Variants in PRKAG2 observed in about 807,000 individuals in gnomAD.
The protein encoded by PRKAG2 is 5'-AMP-activated protein kinase subunit gamma-2.
In PRKAG2, 26 loss-of-function variants were observed where a neutral mutation model predicts 69.6. That is an observed-to-expected ratio of 0.37 (90% CI 0.27 to 0.52). The LOEUF (loss-of-function observed/expected upper bound fraction) is 0.52, where lower values mean the gene tolerates loss of function less well. PRKAG2 is among the 20% of genes least tolerant of loss of function. PRKAG2 has a pLI of 0.90. For missense variants in PRKAG2, 557 were observed against 740.0 expected, an observed-to-expected ratio of 0.75 and a Z score of 2.87; for synonymous variants, 293 against 285.0, an observed-to-expected ratio of 1.03 and a Z score of -0.28.
In PRKAG2 at chr7:151,828,114, A is replaced by G. The variant is rs568204866; in HGVS notation, c.115-41573T>C. On this transcript the variant is annotated intron_variant, in intron 1 of 15. Transcript: ENST00000287878. The surrounding 1 kb of genome is among the most constrained non-coding windows in gnomAD (Gnocchi z 4.6). ...CCCATTCACCCAGCAAGCACACAGC[A>G]AACGCCTGCTACCCAGGGGAGCCCC... Among the ~76,000 whole-genome samples, 145 of 152,328 alleles carry G rather than the reference A, an allele frequency of 9.5e-4. No individual in the cohort carries two copies. In the South Asian group the frequency reaches 0.018, roughly 19 times the overall value.
intron 15 of PRKAG2, chr7:151,559,224 G>C: frequency 1.0e-6 from 1 of 967,162 alleles, no homozygotes; most frequent in Non-Finnish European, 1.2e-6. Context: ...GAATGCAGCT[G>C]TACTGTTCGT....
chr7:151,582,127 A>G (rs1285683558), intron 6 of PRKAG2, among the ~76,000 whole-genome samples: 1 of 152,164 alleles, frequency 6.6e-6, no homozygotes, highest in Non-Finnish European at 1.5e-5. Flanking sequence ...TTCAGACAGT[A>G]TCGGTCCAAC....
chr7:151,659,262 C>T (rs980224260), intron 4 of PRKAG2, among the ~76,000 whole-genome samples: 22 of 152,134 alleles, frequency 1.4e-4, no homozygotes, highest in African/African-American at 1.9e-4. Context: ...TTGTTTTATC[C>T]AGGCCATAGA....
At chr7:151,622,311 C>T (rs1821712549) in intron 5 of PRKAG2, among the ~76,000 whole-genome samples, 1 of 152,206 alleles carries the variant, frequency 6.6e-6, no homozygotes, top group Non-Finnish European at 1.5e-5. Context: ...TAAATGTGTG[C>T]ACCTCTTTGG....
At chr7:151,851,902 C>T (rs1586722055) in intron 1 of PRKAG2, among the ~76,000 whole-genome samples, 1 of 152,084 alleles carries the variant, frequency 6.6e-6, no homozygotes, top group Admixed American at 6.5e-5. Context: ...GAGAGGGAGC[C>T]GGGGCTTCCT....
intron 3 of PRKAG2, among the ~76,000 whole-genome samples, chr7:151,706,130 T>C (rs1235050707): frequency 2.0e-5 from 3 of 152,192 alleles, no homozygotes. Context: ...ACAGCAGATA[T>C]GCAGCACAGA....
chr7:151,725,501 G>A (rs188657840), intron 3 of PRKAG2, among the ~76,000 whole-genome samples: 1 of 151,162 alleles, frequency 6.6e-6, no homozygotes, highest in East Asian at 2.0e-4. Flanking sequence ...CTACTGAGCT[G>A]TACACCTAAA....
At chr7:151,713,616 G>A (rs907855940) in intron 3 of PRKAG2, among the ~76,000 whole-genome samples, 2 of 144,198 alleles carry the variant, frequency 1.4e-5, no homozygotes, top group Non-Finnish European at 1.5e-5. Flanking sequence ...ACAAAGTCTC[G>A]CTCTGTTGCC....
chr7:151,762,607 T>C (rs1433460183), intron 3 of PRKAG2, among the ~76,000 whole-genome samples: 3 of 152,146 alleles, frequency 2.0e-5, no homozygotes, highest in African/African-American at 7.2e-5. Context: ...TCCTCTGTGT[T>C]TGGGGCAGAC....
At chr7:151,619,478 C>G (rs752736527) in intron 5 of PRKAG2, among the ~76,000 whole-genome samples, 40 of 152,304 alleles carry the variant, frequency 2.6e-4, no homozygotes, top group Non-Finnish European at 4.1e-4. Flanking sequence ...CATAGAAATA[C>G]AGAGTCAGGA....
intron 1 of PRKAG2, among the ~76,000 whole-genome samples, chr7:151,857,306 G>C (rs775670047): frequency 6.7e-6 from 1 of 149,770 alleles, no homozygotes; most frequent in Non-Finnish European, 1.5e-5. Flanking sequence ...GAGCCCTACA[G>C]AGTTCTGCAC....
intron 3 of PRKAG2, among the ~76,000 whole-genome samples, chr7:151,742,635 A>AAAAT (rs1563571371): frequency 2.0e-5 from 3 of 151,398 alleles, no homozygotes; most frequent in Non-Finnish European, 2.9e-5. Flanking sequence ...CAAAAAAAAA[A>AAAAT]AAAATAAAAT....
At chr7:151,800,250 C>T (rs890246305) in intron 1 of PRKAG2, among the ~76,000 whole-genome samples, 46 of 150,612 alleles carry the variant, frequency 3.1e-4, no homozygotes, top group African/African-American at 1.0e-3. Context: ...CCAAGCTACT[C>T]GGGAGGCTGA....
Position 151,876,591 on chromosome 7 carries a change from C to A in PRKAG2, c.30G>T (p.Lys10Asn). 2 of 1,610,232 alleles carry A rather than the reference C, an allele frequency of 1.2e-6. No homozygotes were observed. The highest frequency in any genetic ancestry group is 8.5e-7 in the Non-Finnish European group (1 of 1,179,964). MGSAVMDTKKKKDVSSPGGS... is the reference protein window; with the variant it reads MGSAVMDTKNKKDVSSPGGS... Reference sequence around the variant, plus strand: ...CGCCGGGGCTGGAAACATCTTTTTTCTTCTTGGTGTCCATAACCGCGCTTC... The same window carrying A: ...CGCCGGGGCTGGAAACATCTTTTTTATTCTTGGTGTCCATAACCGCGCTTC... The change falls in exon 1 of 16, where the codon AAG becomes AAT. Residue 10 changes from lysine to asparagine, a missense_variant. By Grantham distance (94) the Lys-to-Asn change is moderately conservative. This residue lies in a region of PRKAG2 where 352 missense variants were observed against 356.7 expected (regional missense o/e 0.99). Transcript: ENST00000287878.
chr7:151,616,605 G>A (rs1423188106), intron 5 of PRKAG2, among the ~76,000 whole-genome samples: 3 of 152,212 alleles, frequency 2.0e-5, no homozygotes, highest in Non-Finnish European at 4.4e-5. Flanking sequence ...ACACTGCCCC[G>A]TGGCAGGCTG....
intron 3 of PRKAG2, among the ~76,000 whole-genome samples, chr7:151,758,054 T>C (rs2075205731): frequency 6.6e-6 from 1 of 152,262 alleles, no homozygotes. Flanking sequence ...GCTTTGTGCT[T>C]GTCCCTACCA....
At chr7:151,744,633 T>C (rs1446178347) in intron 3 of PRKAG2, among the ~76,000 whole-genome samples, 1 of 152,176 alleles carries the variant, frequency 6.6e-6, no homozygotes, top group Non-Finnish European at 1.5e-5. Context: ...AAGCTGCAAA[T>C]AGTCTCCTTG....
chr7:151,726,164 G>A (rs1417539889), intron 3 of PRKAG2, among the ~76,000 whole-genome samples: 1 of 152,096 alleles, frequency 6.6e-6, no homozygotes, highest in Non-Finnish European at 1.5e-5. Flanking sequence ...AGCAGCTCAG[G>A]ACATGGGGCG....
chr7:151,570,563 C>A (rs533377617), intron 9 of PRKAG2, among the ~76,000 whole-genome samples: 1 of 152,228 alleles, frequency 6.6e-6, no homozygotes, highest in Admixed American at 6.5e-5. Flanking sequence ...ACCTTACTCT[C>A]AAGAAATGAA....
Sources: gnomAD v4.1 joint callset for allele counts (sites outside exome capture counted in the v4.1 genomes callset) on GRCh38, gnomAD v4.1.1 for gene constraint, gnomAD v4.1.1 regional missense constraint, Gnocchi (gnomAD v3.1) non-coding constraint, MANE v1.5 for transcripts, NCBI Gene and HGNC (gene_info 2026-07-23, HGNC 2026-07-21) for gene names.